Variants in FGGY observed in about 807,000 individuals in gnomAD.
The protein encoded by FGGY is FGGY carbohydrate kinase domain containing, also known as FGGY carbohydrate kinase domain-containing protein.
In FGGY, 72 loss-of-function variants were observed where a neutral mutation model predicts 71.3. The observed-to-expected ratio is 1.01, with a 90% CI of 0.84 to 1.23. The LOEUF is 1.23. Ranked by LOEUF, FGGY falls within the 50% of genes most tolerant of loss-of-function variation. The pLI, the probability that FGGY is intolerant of heterozygous loss-of-function variation, is 0.00. For synonymous variants in FGGY, 251 were observed against 250.3 expected (o/e 1.00, Z -0.02); for missense variants, 668 against 682.3 (o/e 0.98, Z 0.23).
intron 14 of FGGY, among the ~76,000 whole-genome samples, chr1:59,738,382 G>A (rs1000611198): frequency 2.0e-5 from 3 of 152,212 alleles, no homozygotes; most frequent in African/African-American, 7.2e-5. Context: ...AAACACAGAT[G>A]CAGCCAAACC....
At chr1:59,613,448 A>T (rs1479963962) in intron 9 of FGGY, among the ~76,000 whole-genome samples, 2 of 152,248 alleles carry the variant, frequency 1.3e-5, no homozygotes, top group African/African-American at 4.8e-5. Flanking sequence ...TTTGAAACCA[A>T]TGAGAACAAA....
At chr1:59,372,946 T>C (rs1158820805) in intron 4 of FGGY, among the ~76,000 whole-genome samples, 7 of 152,074 alleles carry the variant, frequency 4.6e-5, no homozygotes, top group East Asian at 1.9e-4. Context: ...AACCCACAGC[T>C]AATATCACAC....
chr1:59,400,718 A>G (rs748839019), intron 5 of FGGY, among the ~76,000 whole-genome samples: 22 of 152,134 alleles, frequency 1.4e-4, no homozygotes, highest in African/African-American at 4.8e-4. Flanking sequence ...ATAGAATGTT[A>G]CCTTGAAAGA....
At chr1:59,640,026 C>T (rs2097004428) in intron 11 of FGGY, among the ~76,000 whole-genome samples, 1 of 152,172 alleles carries the variant, frequency 6.6e-6, no homozygotes, top group South Asian at 2.1e-4. Flanking sequence ...AGTATGTATG[C>T]ACCAAAAGGA....
At chr1:59,759,594 A>G (rs1294966826) in intron 15 of FGGY, among the ~76,000 whole-genome samples, 1 of 152,228 alleles carries the variant, frequency 6.6e-6, no homozygotes, top group Non-Finnish European at 1.5e-5. Flanking sequence ...GGCAGCTGGC[A>G]GCTGTTCTCT....
At chr1:59,636,578 G>A (rs1018551298) in intron 10 of FGGY, among the ~76,000 whole-genome samples, 2 of 152,082 alleles carry the variant, frequency 1.3e-5, no homozygotes, top group Admixed American at 6.5e-5. Context: ...AGCCGAGATC[G>A]CGTCACTGCA....
chr1:59,696,938 G>C (rs967673655), intron 14 of FGGY, among the ~76,000 whole-genome samples: 2 of 151,672 alleles, frequency 1.3e-5, no homozygotes, highest in African/African-American at 4.8e-5. Flanking sequence ...GCTCGTTGCT[G>C]ATCAAACCAG....
chr1:59,619,254 G>C (rs1288145252), intron 9 of FGGY, among the ~76,000 whole-genome samples: 1 of 152,002 alleles, frequency 6.6e-6, no homozygotes. Context: ...GAGTAAAACA[G>C]CCTCTTCTGC....
At chr1:59,400,842 G>T (rs1431456455) in intron 5 of FGGY, among the ~76,000 whole-genome samples, 1 of 151,908 alleles carries the variant, frequency 6.6e-6, no homozygotes, top group Non-Finnish European at 1.5e-5. Context: ...CGTGATCATG[G>T]CTCACTGCAG....
intron 14 of FGGY, 92 bp downstream of exon 14, chr1:59,674,225 C>G (rs558480476): frequency 3.4e-6 from 3 of 886,654 alleles, no homozygotes; most frequent in East Asian, 5.4e-5. Flanking sequence ...AAAATACACA[C>G]AGGATATAAT....
chr1:59,656,059 A>G (rs544307809), intron 11 of FGGY, among the ~76,000 whole-genome samples: 17 of 152,160 alleles, frequency 1.1e-4, no homozygotes, highest in Non-Finnish European at 2.1e-4. Context: ...TGGCCATTAT[A>G]TATAGTTTTC....
At chr1:59,646,259 G>T (rs1021156730) in intron 11 of FGGY, among the ~76,000 whole-genome samples, 2 of 152,152 alleles carry the variant, frequency 1.3e-5, no homozygotes, top group South Asian at 2.1e-4. Flanking sequence ...GAAACACATG[G>T]TCTCTTTGAT....
At chr1:59,383,323 C>A (rs534122515) in intron 5 of FGGY, among the ~76,000 whole-genome samples, 68 of 152,130 alleles carry the variant, frequency 4.5e-4, no homozygotes, top group African/African-American at 1.6e-3. Context: ...GACAACACTG[C>A]CTAACAGAAT....
At chr1:59,327,201 G>T (rs1402516678) in intron 2 of FGGY, among the ~76,000 whole-genome samples, 2 of 152,198 alleles carry the variant, frequency 1.3e-5, no homozygotes, top group Non-Finnish European at 2.9e-5. Flanking sequence ...ATGCAATGTT[G>T]TTTGATAGCA....
At position 59,342,247 on chromosome 1, in the gene FGGY, A is replaced by G. The variant is rs555364778; in HGVS notation, c.313+2178A>G. Among the ~76,000 whole-genome samples, 18 of 152,294 alleles carry G rather than the reference A, an allele frequency of 1.2e-4. No individual in the cohort carries two copies. In the East Asian group the frequency reaches 2.5e-3, roughly 21 times the overall value. ...GGTGGAGCTAGGGTGTCAACTTTTT[A>G]AAAAAGTTTTCTCAGTAAGTCTAGT... On this transcript the variant is annotated intron_variant, in intron 3 of 15. Transcript: ENST00000303721.
intron 4 of FGGY, among the ~76,000 whole-genome samples, chr1:59,372,943 A>G (rs1439326687): frequency 1.3e-5 from 2 of 152,182 alleles, no homozygotes; most frequent in Non-Finnish European, 2.9e-5. Context: ...ACAAACCCAC[A>G]GCTAATATCA....
intron 4 of FGGY, among the ~76,000 whole-genome samples, chr1:59,365,176 T>A (rs949935902): frequency 6.6e-6 from 1 of 152,154 alleles, no homozygotes; most frequent in Non-Finnish European, 1.5e-5. Context: ...ACAGGAGTGA[T>A]TGATATTTCT....
At chr1:59,733,045 C>T (rs140432277) in intron 14 of FGGY, among the ~76,000 whole-genome samples, 61 of 152,244 alleles carry the variant, frequency 4.0e-4, no homozygotes, top group African/African-American at 1.5e-3. Context: ...GGTTTCCCTA[C>T]TCGCTACTAC....
chr1:59,429,760 A>G (rs1437795449), intron 5 of FGGY, among the ~76,000 whole-genome samples: 1 of 152,192 alleles, frequency 6.6e-6, no homozygotes, highest in Non-Finnish European at 1.5e-5. Context: ...GTGCTAATAA[A>G]TAGGCCAGTA....
Sources: gnomAD v4.1 joint callset for allele counts (sites outside exome capture counted in the v4.1 genomes callset) on GRCh38, gnomAD v4.1.1 for gene constraint, MANE v1.5 for transcripts, NCBI Gene and HGNC (gene_info 2026-07-23, HGNC 2026-07-21) for gene names.